Variants in LDB2 observed in about 807,000 individuals in gnomAD.
LDB2 encodes the protein LIM domain binding 2, also known as LIM domain-binding protein 2.
A neutral mutation model predicts 44.3 loss-of-function variants in LDB2; 12 were observed. The ratio of observed to expected loss-of-function variants is 0.27; its 90% CI spans 0.17 to 0.44. The LOEUF (loss-of-function observed/expected upper bound fraction) is 0.44, where lower values mean the gene tolerates loss of function less well. LDB2 is among the 20% of genes least tolerant of loss of function. The pLI is 1.00. For synonymous variants in LDB2, 164 were observed against 174.8 expected (o/e 0.94, Z 0.49); for missense variants, 344 against 473.5 (o/e 0.73, Z 2.54).
At chr4:16,814,155 C>T (rs1485683408) in intron 1 of LDB2, among the ~76,000 whole-genome samples, 1 of 152,184 alleles carries the variant, frequency 6.6e-6, no homozygotes, top group Non-Finnish European at 1.5e-5. Context: ...CAGGCGTGAG[C>T]CACCGCACCC....
chr4:16,542,111 G>GC lies in LDB2; in HGVS notation c.616-30008_616-30007insG, dbSNP rs139032133. On this transcript the variant is annotated intron_variant, in intron 5 of 7. Coordinates refer to ENST00000304523, the MANE Select transcript of LDB2 (RefSeq NM_001290.5). ...AATTACATCAGGTGGTGGGGGGGGG[G>GC]GCGCGAGCAGGAGGGCATAAGAAGG... Among the ~76,000 whole-genome samples, 17 of 146,198 alleles carry GC rather than the reference G, an allele frequency of 1.2e-4. No homozygotes were observed. The East Asian group carries it at 3.4e-3, about 29-fold the overall frequency.
chr4:16,711,802 T>C (rs916943772), intron 2 of LDB2, among the ~76,000 whole-genome samples: 1 of 152,220 alleles, frequency 6.6e-6, no homozygotes, highest in African/African-American at 2.4e-5. Flanking sequence ...TACAACCAAC[T>C]GATTTTAGAC....
intron 2 of LDB2, among the ~76,000 whole-genome samples, chr4:16,688,451 G>C (rs975378300): frequency 6.6e-6 from 1 of 152,114 alleles, no homozygotes; most frequent in African/African-American, 2.4e-5. Flanking sequence ...CCATGCACTG[G>C]ACACATAAGA....
At chr4:16,719,501 A>G (rs993078080) in intron 2 of LDB2, among the ~76,000 whole-genome samples, 7 of 152,112 alleles carry the variant, frequency 4.6e-5, no homozygotes, top group Non-Finnish European at 8.8e-5. Context: ...AATATTCGTC[A>G]TGGTCCATTG....
intron 5 of LDB2, among the ~76,000 whole-genome samples, chr4:16,563,322 T>C (rs1347659428): frequency 6.6e-6 from 1 of 151,454 alleles, no homozygotes. Context: ...TTATTTTTTG[T>C]ATTAAAAACC....
chr4:16,766,728 A>G (rs1769394858), intron 1 of LDB2, among the ~76,000 whole-genome samples: 2 of 151,558 alleles, frequency 1.3e-5, no homozygotes, highest in African/African-American at 2.4e-5. Context: ...CTGGTCCTGA[A>G]CTCCTGACTT....
intron 1 of LDB2, among the ~76,000 whole-genome samples, chr4:16,778,993 A>G (rs750505366): frequency 3.9e-5 from 6 of 152,198 alleles, no homozygotes; most frequent in Non-Finnish European, 5.9e-5. Context: ...TTGTCTCCCT[A>G]TAACTTAGAA....
chr4:16,779,243 A>G (rs1172296174), intron 1 of LDB2, among the ~76,000 whole-genome samples: 1 of 152,106 alleles, frequency 6.6e-6, no homozygotes, highest in Non-Finnish European at 1.5e-5. Context: ...TGTTTATGCA[A>G]TTTGCTTTCC....
intron 5 of LDB2, among the ~76,000 whole-genome samples, chr4:16,520,115 G>A (rs966548308): frequency 6.6e-6 from 1 of 150,864 alleles, no homozygotes; most frequent in African/African-American, 2.5e-5. Context: ...TCCACAGCCA[G>A]GTTTTTTCAC....
intron 5 of LDB2, among the ~76,000 whole-genome samples, chr4:16,584,727 C>T (rs1478339124): frequency 6.6e-6 from 1 of 152,226 alleles, no homozygotes; most frequent in Non-Finnish European, 1.5e-5. Flanking sequence ...CCTCAGTCTT[C>T]ATGGGCCACA....
At chr4:16,855,889 C>T in intron 1 of LDB2, among the ~76,000 whole-genome samples, 1 of 152,008 alleles carries the variant, frequency 6.6e-6, no homozygotes, top group Non-Finnish European at 1.5e-5. Flanking sequence ...ATTCAAAGTG[C>T]AAGATGGACT....
chr4:16,842,975 C>G (rs1337545556), intron 1 of LDB2, among the ~76,000 whole-genome samples: 2 of 152,076 alleles, frequency 1.3e-5, no homozygotes, highest in Non-Finnish European at 2.9e-5. Context: ...TTTACTTAAA[C>G]AAAAAGAAAA....
chr4:16,655,815 A>G (rs913125504), intron 2 of LDB2, among the ~76,000 whole-genome samples: 7 of 150,018 alleles, frequency 4.7e-5, no homozygotes, highest in Admixed American at 2.0e-4. Context: ...AAAAAGTCAC[A>G]TGTTTGTGCA....
chr4:16,688,283 G>A (rs1749752865), intron 2 of LDB2, among the ~76,000 whole-genome samples: 1 of 152,138 alleles, frequency 6.6e-6, no homozygotes, highest in Non-Finnish European at 1.5e-5. Context: ...AAAAATTTTT[G>A]AATAAAGTGG....
intron 5 of LDB2, among the ~76,000 whole-genome samples, chr4:16,583,176 A>G (rs1028661232): frequency 1.3e-5 from 2 of 152,172 alleles, no homozygotes; most frequent in African/African-American, 2.4e-5. Flanking sequence ...ATTGGAATAA[A>G]TGAACTTGTT....
At chr4:16,711,883 C>T (rs1371808100) in intron 2 of LDB2, among the ~76,000 whole-genome samples, 1 of 152,234 alleles carries the variant, frequency 6.6e-6, no homozygotes, top group Middle Eastern at 3.4e-3. Context: ...AACTGGCTGT[C>T]CACATGCAAA....
chr4:16,535,184 G>A (rs1029302297), intron 5 of LDB2, among the ~76,000 whole-genome samples: 7 of 152,184 alleles, frequency 4.6e-5, no homozygotes, highest in Non-Finnish European at 1.0e-4. Context: ...TTGGATGACC[G>A]TGGAAGGGGA....
At chr4:16,643,172 T>C (rs1389303014) in intron 2 of LDB2, among the ~76,000 whole-genome samples, 1 of 146,888 alleles carries the variant, frequency 6.8e-6, no homozygotes, top group Non-Finnish European at 1.5e-5. Flanking sequence ...GATAAAAGTA[T>C]CTTTGTGGGG....
At chr4:16,667,681 C>T (rs1398317209) in intron 2 of LDB2, among the ~76,000 whole-genome samples, 1 of 152,160 alleles carries the variant, frequency 6.6e-6, no homozygotes, top group Non-Finnish European at 1.5e-5. Flanking sequence ...GGGGAGCAAC[C>T]GCATAGACAG....
Sources: gnomAD v4.1 joint callset for allele counts (sites outside exome capture counted in the v4.1 genomes callset) on GRCh38, gnomAD v4.1.1 for gene constraint, MANE v1.5 for transcripts, NCBI Gene and HGNC (gene_info 2026-07-23, HGNC 2026-07-21) for gene names.